NRXN1: variants seen among roughly 807,000 people sequenced by gnomAD.
The protein encoded by NRXN1 is neurexin 1, also known as neurexin-1.
In NRXN1, 39 loss-of-function variants were observed where a neutral mutation model predicts 150.9. The observed-to-expected ratio is 0.26, with a 90% CI of 0.20 to 0.34. The LOEUF (loss-of-function observed/expected upper bound fraction) is 0.34, where lower values mean the gene tolerates loss of function less well. NRXN1 is among the 10% of genes least tolerant of loss of function. The probability of loss-of-function intolerance (pLI) is 1.00; values close to 1 mark genes in which losing one functional copy is unlikely to be tolerated. For missense variants in NRXN1, 1,815 were observed against 1,949.9 expected (o/e 0.93, Z 1.30); for synonymous variants, 924 against 757.0 (o/e 1.22, Z -3.62).
rs961152883 is a variant in NRXN1, at chr2:50,126,488, T to C, written c.3547-34994A>G. Among the ~76,000 whole-genome samples, 7 of 143,154 alleles carry C rather than the reference T, an allele frequency of 4.9e-5. No homozygotes were observed. In the Admixed American group the frequency reaches 5.3e-4, roughly 11 times the overall value. 93.9% of individuals were successfully genotyped at this position (143,154 alleles called of 152,430 possible). A position where few individuals can be genotyped will look rare whatever the true frequency, so the allele number is the denominator to read the frequency against. ...ACTGATATAGTCATCATATTTCCTA[T>C]GGATTTACAAAAAAAAATTTAAAAA... On this transcript the variant is annotated intron_variant, in intron 18 of 22. Transcript: ENST00000401669.
At chr2:50,739,469 T>C (rs1267069334) in intron 5 of NRXN1, among the ~76,000 whole-genome samples, 1 of 152,162 alleles carries the variant, frequency 6.6e-6, no homozygotes, top group African/African-American at 2.4e-5. Flanking sequence ...ACCTGCAATT[T>C]TATACGTTTT....
At chr2:50,168,210 T>C (rs1438217445) in intron 18 of NRXN1, among the ~76,000 whole-genome samples, 1 of 152,150 alleles carries the variant, frequency 6.6e-6, no homozygotes, top group East Asian at 1.9e-4. Context: ...TGGCAAACAT[T>C]ACAAGCATGC....
chr2:50,097,148 G>A (rs1700332881), intron 18 of NRXN1, among the ~76,000 whole-genome samples: 1 of 152,144 alleles, frequency 6.6e-6, no homozygotes, highest in Admixed American at 6.5e-5. Flanking sequence ...ACTATGCTCA[G>A]GAACAGAGAC....
intron 8 of NRXN1, among the ~76,000 whole-genome samples, chr2:50,583,951 G>A (rs1672682648): frequency 1.3e-5 from 2 of 152,168 alleles, no homozygotes; most frequent in South Asian, 4.1e-4. Flanking sequence ...CTAGTGATGA[G>A]CTGGACATTT....
At chr2:50,993,128 C>A (rs910686492) in intron 2 of NRXN1, among the ~76,000 whole-genome samples, 1 of 151,772 alleles carries the variant, frequency 6.6e-6, no homozygotes, top group East Asian at 1.9e-4. Context: ...GGAGTAAGTT[C>A]TATTACACGA....
At chr2:50,394,244 C>T (rs1264744158) in intron 17 of NRXN1, among the ~76,000 whole-genome samples, 1 of 152,010 alleles carries the variant, frequency 6.6e-6, no homozygotes, top group African/African-American at 2.4e-5. Context: ...GCATCTCCAG[C>T]CACAACTCTC....
At chr2:50,057,850 T>C (rs892765652) in intron 19 of NRXN1, among the ~76,000 whole-genome samples, 4 of 152,162 alleles carry the variant, frequency 2.6e-5, no homozygotes, top group Non-Finnish European at 5.9e-5. Context: ...TCACTTATAA[T>C]TTTATTTTTT....
intron 18 of NRXN1, among the ~76,000 whole-genome samples, chr2:50,180,277 A>G (rs1190663636): frequency 6.6e-6 from 1 of 152,090 alleles, no homozygotes; most frequent in African/African-American, 2.4e-5. Flanking sequence ...CTCCTGCCTC[A>G]GCCTCCCAAA....
chr2:50,181,220 T>A (rs1335021298), intron 18 of NRXN1, among the ~76,000 whole-genome samples: 1 of 149,782 alleles, frequency 6.7e-6, no homozygotes, highest in Non-Finnish European at 1.5e-5. Context: ...CTTGAAAACA[T>A]GAAACAATTT....
chr2:50,232,988 T>A (rs184516210), intron 18 of NRXN1, among the ~76,000 whole-genome samples: 20 of 152,196 alleles, frequency 1.3e-4, no homozygotes, highest in Admixed American at 2.6e-4. Flanking sequence ...TCTATACTTT[T>A]CTGTATTGTA....
At chr2:50,299,469 T>G (rs2073955991) in intron 17 of NRXN1, among the ~76,000 whole-genome samples, 1 of 151,904 alleles carries the variant, frequency 6.6e-6, no homozygotes, top group African/African-American at 2.4e-5. Context: ...TTTTTCCCCC[T>G]GAAGAATTGA....
intron 17 of NRXN1, chr2:50,312,663 A>T (rs775344435): frequency 2.1e-6 from 1 of 485,210 alleles, no homozygotes; most frequent in Non-Finnish European, 4.1e-6. Context: ...GGGATCTCAG[A>T]CAGTCCATCT....
chr2:50,528,648 C>T lies in NRXN1; in HGVS notation c.2351G>A (p.Cys784Tyr), dbSNP rs765156299. The change falls in exon 12 of 23, where the codon TGT becomes TAT. Residue 784 changes from cysteine to tyrosine, a missense_variant. By Grantham distance (194) the Cys-to-Tyr change is radical. Around this residue, in one of 6 missense-constraint regions of NRXN1, gnomAD observed 638 missense variants for 652.6 expected, o/e 0.98. Transcript: ENST00000401669. ...GRVKLTVNLDCIRINCNSSKG... is the reference protein window; with the variant it reads ...GRVKLTVNLDYIRINCNSSKG... ...ACTGGAATTACAGTTAATCCTGATA[C>T]AATCTAGATGGGGAAGAATAGATGA... 1 of 1,547,074 alleles carries T rather than the reference C, an allele frequency of 6.5e-7. No individual in the cohort carries two copies. The highest frequency in any genetic ancestry group is 1.2e-5 in the South Asian group (1 of 85,674).
In NRXN1 at chr2:50,531,238, G is replaced by A. The variant is rs200391188; in HGVS notation, c.2336C>T (p.Thr779Met). The change falls in exon 11 of 23, where the codon ACG becomes ATG. Residue 779 changes from threonine (T) to methionine (M), a missense_variant. Transcript: ENST00000401669. ...LELDAGRVKL[T>M]VNLDCIRINC... ...AGGCAGGTTGTTACCTAGATTGACC[G>A]TCAGTTTCACACGTCCTGCGTCTAG... 1.7e-5 allele frequency: 28 copies of A among 1,612,554 alleles called. No individual in the cohort carries two copies. The East Asian group carries it at 2.2e-4, about 13-fold the overall frequency.
In NRXN1 at chr2:50,148,577, A is replaced by G. The variant is rs567278017; in HGVS notation, c.3547-57083T>C. ...AACACAGGTCCATTGCTAGACATGCACTTGCTTATCCAGAGGGCCAATCAG... is the reference window on the plus strand; with the variant it reads ...AACACAGGTCCATTGCTAGACATGCGCTTGCTTATCCAGAGGGCCAATCAG... On this transcript the variant is annotated intron_variant, in intron 18 of 22. Coordinates refer to ENST00000401669, the MANE Select transcript of NRXN1 (RefSeq NM_001330078.2). Among the ~76,000 whole-genome samples, 40 of 151,756 alleles carry G rather than the reference A, an allele frequency of 2.6e-4. No individual in the cohort carries two copies. The East Asian group carries it at 5.1e-3, about 19-fold the overall frequency.
intron 22 of NRXN1, among the ~76,000 whole-genome samples, chr2:49,932,308 C>A (rs886564568): frequency 2.0e-4 from 30 of 152,186 alleles, no homozygotes; most frequent in African/African-American, 7.2e-4. Context: ...GTAGTCTCAG[C>A]TTCTGGGGAG....
intron 5 of NRXN1, among the ~76,000 whole-genome samples, chr2:50,861,520 C>A (rs1471654684): frequency 6.6e-6 from 1 of 152,110 alleles, no homozygotes; most frequent in African/African-American, 2.4e-5. Context: ...CGTATAACCA[C>A]CCCCACCTTT....
At chr2:49,937,297 T>G (rs554639830) in intron 22 of NRXN1, among the ~76,000 whole-genome samples, 1 of 152,162 alleles carries the variant, frequency 6.6e-6, no homozygotes, top group Non-Finnish European at 1.5e-5. Context: ...CAGCCTTTTT[T>G]GTTTGTTTGT....
At chr2:50,781,249 C>T (rs1267930816) in intron 5 of NRXN1, among the ~76,000 whole-genome samples, 3 of 152,030 alleles carry the variant, frequency 2.0e-5, no homozygotes, top group Admixed American at 6.6e-5. Flanking sequence ...AATCTGACTG[C>T]CCTTTGCTTC....
Sources: gnomAD v4.1 joint callset for allele counts (sites outside exome capture counted in the v4.1 genomes callset) on GRCh38, gnomAD v4.1.1 for gene constraint, gnomAD v4.1.1 regional missense constraint, MANE v1.5 for transcripts, NCBI Gene and HGNC (gene_info 2026-07-23, HGNC 2026-07-21) for gene names.